SH2B3: variants seen among roughly 807,000 people sequenced by gnomAD.
SH2B3 encodes SH2B adapter protein 3.
SH2B3 carries 43 observed loss-of-function variants against 51.9 expected under a neutral mutation model. The observed-to-expected ratio is 0.83, with a 90% CI of 0.65 to 1.07. The LOEUF is 1.07. SH2B3 is among the 50% of genes least tolerant of loss of function. SH2B3 has a pLI of 0.00. For synonymous variants in SH2B3, 396 were observed against 376.0 expected, an observed-to-expected ratio of 1.05 and a Z score of -0.62; for missense variants, 952 against 834.3, an observed-to-expected ratio of 1.14 and a Z score of -1.74.
intron 2 of SH2B3, among the ~76,000 whole-genome samples, chr12:111,431,740 C>T (rs1872511201): frequency 6.6e-6 from 1 of 152,126 alleles, no homozygotes; most frequent in African/African-American, 2.4e-5. Flanking sequence ...CTGCTATTAG[C>T]ATAGACATTA....
At chr12:111,444,684 A>G (rs1873758389) in intron 2 of SH2B3, 1 of 977,044 alleles carries the variant, frequency 1.0e-6, no homozygotes, top group Non-Finnish European at 1.2e-6. Context: ...CTCCCCTCTC[A>G]CCCATCCCCC....
In SH2B3 at chr12:111,410,370, C is replaced by T. The variant is rs1480797618; in HGVS notation, c.-28+4093C>T. Among the ~76,000 whole-genome samples the T allele has an allele frequency of 6.6e-6, 1 of 152,148 alleles. No individual in the cohort carries two copies. The highest frequency in any genetic ancestry group is 1.5e-5 in the Non-Finnish European group (1 of 67,998). On this transcript the variant is annotated intron_variant, in intron 1 of 7. Coordinates refer to ENST00000341259, the MANE Select transcript of SH2B3 (RefSeq NM_005475.3). The surrounding 1 kb of genome is among the most constrained non-coding windows in gnomAD (Gnocchi z 4.9). ...TCCCTCCTGATGTCCCCAAGTAGCA[C>T]GTGGGGAGGAGGTTCACCCACAGGC...
chr12:111,410,959 A>AG lies in SH2B3; in HGVS notation c.-28+4684dup, dbSNP rs1329513053. Among the ~76,000 whole-genome samples, 2 of 152,180 alleles carry AG rather than the reference A, an allele frequency of 1.3e-5. No homozygotes were observed. The highest frequency in any genetic ancestry group is 1.3e-4 in the Admixed American group (2 of 15,276). ...AGATTCAACCAGGAGGCCTCCCTGGAGGAAGTGTCCCCTCTGAAGGTGTGA... is the reference window on the plus strand; with the variant it reads ...AGATTCAACCAGGAGGCCTCCCTGGAGGGAAGTGTCCCCTCTGAAGGTGTGA... On this transcript the variant is annotated intron_variant, in intron 1 of 7. Transcript: ENST00000341259. The surrounding 1 kb of genome is among the most constrained non-coding windows in gnomAD (Gnocchi z 4.9).
At position 111,418,682 on chromosome 12, in the gene SH2B3, C is replaced by A. The variant is rs1280655588; in HGVS notation, c.537C>A (p.Ala179=). ...AGACCCCCGCCCGGCCTGGCCTGGC[C>A]AAGAAGTTCCTGCCCTGGAGCCTGG... ...AAETPARPGL[A]KKFLPWSLAR... is the part of the protein sequence containing the mutation. The change falls in exon 2 of 8, where the codon GCC becomes GCA. Residue 179 remains alanine (A), a synonymous_variant. Transcript: ENST00000341259. This position sits in a 1 kb window ranked among gnomAD's most constrained non-coding sequence, Gnocchi z 6.7. 6.7e-7 allele frequency: 1 copy of A among 1,490,526 alleles called. No individual in the cohort carries two copies. Among genetic ancestry groups the A allele is most frequent in the East Asian group, 2.9e-5 (1 of 34,966 alleles). 92.3% of individuals were successfully genotyped at this position (1,490,526 alleles called of 1,614,324 possible). A position where few individuals can be genotyped will look rare whatever the true frequency, so the allele number is the denominator to read the frequency against.
At chr12:111,432,969 G>A (rs12301431) in intron 2 of SH2B3, among the ~76,000 whole-genome samples, 2,446 of 152,316 alleles carry the variant, frequency 0.016, 72 homozygotes, top group African/African-American at 0.054. Flanking sequence ...ATGAACATTC[G>A]TGGACAAGTT....
chr12:111,420,466 G>A (rs1871451401), intron 2 of SH2B3, among the ~76,000 whole-genome samples: 2 of 150,956 alleles, frequency 1.3e-5, no homozygotes, highest in Admixed American at 1.3e-4. Context: ...CTACTCACCT[G>A]CCAGGCTCCA....
rs1475449435 is a variant in SH2B3 at position 111,406,461 on chromosome 12, A to C, written c.-28+184A>C. Among the ~76,000 whole-genome samples, 3 of 151,854 alleles carry C rather than the reference A, an allele frequency of 2.0e-5. No individual in the cohort carries two copies. In the East Asian group the frequency reaches 5.8e-4, roughly 30 times the overall value. Reference sequence around the variant, plus strand: ...CGGCTCCCAGCGCCTACGACCCCCCACTCAGCCACTACCCCCACCCACACA... The same window carrying C: ...CGGCTCCCAGCGCCTACGACCCCCCCCTCAGCCACTACCCCCACCCACACA... On this transcript the variant is annotated intron_variant, in intron 1 of 7. Transcript: ENST00000341259. The surrounding 1 kb of genome is among the most constrained non-coding windows in gnomAD (Gnocchi z 5.7).
chr12:111,426,012 C>G (rs909776806), intron 2 of SH2B3, among the ~76,000 whole-genome samples: 8 of 152,214 alleles, frequency 5.3e-5, no homozygotes, highest in Admixed American at 5.2e-4. Flanking sequence ...CGAAAGACCC[C>G]AGGAAATGGT....
rs1871238499 is a variant in SH2B3 at position 111,418,285 on chromosome 12, T to C, written c.140T>C (p.Leu47Pro). The C allele has an allele frequency of 6.5e-7, 1 of 1,538,160 alleles. No individual in the cohort carries two copies. Among genetic ancestry groups the C allele is most frequent in the African/African-American group, 1.4e-5 (1 of 72,286 alleles). Residue 47 changes from leucine to proline, a missense_variant, in exon 2 of 8, where the codon CTG becomes CCG. Physicochemically the swap from Leu to Pro is moderately conservative, Grantham distance 98. Coordinates refer to ENST00000341259, the MANE Select transcript of SH2B3 (RefSeq NM_005475.3). This position sits in a 1 kb window ranked among gnomAD's most constrained non-coding sequence, Gnocchi z 6.7. ...AARELARQYW[L>P]FAREHPQHAP... Reference sequence around the variant, plus strand: ...CGGGAGCTGGCCCGCCAGTACTGGCTGTTCGCCCGGGAGCATCCGCAGCAC... The same window carrying C: ...CGGGAGCTGGCCCGCCAGTACTGGCCGTTCGCCCGGGAGCATCCGCAGCAC...
At position 111,448,391 on chromosome 12, in the gene SH2B3, TC is replaced by T; in HGVS notation, c.*91del. 2.0e-6 allele frequency: 2 copies of T among 1,021,602 alleles called. No individual in the cohort carries two copies. Among genetic ancestry groups the T allele is most frequent in the Non-Finnish European group, 2.9e-6 (2 of 699,294 alleles). The allele number at this position is 1,021,602 out of a possible 1,614,324, so 63.3% of individuals were successfully genotyped here. ...TGAATGTAATTGATCTTTCCTTCCT[TC>T]CAGAGAAAGATTTAAGGGACACTGT... On this transcript the variant is annotated 3_prime_UTR_variant, in exon 8 of 8. Coordinates refer to ENST00000341259, the MANE Select transcript of SH2B3 (RefSeq NM_005475.3).
intron 2 of SH2B3, among the ~76,000 whole-genome samples, chr12:111,421,446 G>A (rs1871555282): frequency 8.9e-6 from 1 of 112,994 alleles, no homozygotes; most frequent in African/African-American, 3.6e-5. Flanking sequence ...GTCTCGCTCT[G>A]TCACCCAGCT....
chr12:111,445,361 C>T (rs573659396), intron 2 of SH2B3, among the ~76,000 whole-genome samples: 49 of 152,296 alleles, frequency 3.2e-4, no homozygotes, highest in African/African-American at 1.2e-3. Context: ...GGCTGGCTGG[C>T]TGTAAAAATG....
At chr12:111,427,237 T>C (rs918292514) in intron 2 of SH2B3, among the ~76,000 whole-genome samples, 1 of 151,478 alleles carries the variant, frequency 6.6e-6, no homozygotes, top group African/African-American at 2.4e-5. Flanking sequence ...AATACAAAAA[T>C]TAGCTGGCCA....
At chr12:111,431,224 C>G (rs928704774) in intron 2 of SH2B3, among the ~76,000 whole-genome samples, 4 of 152,316 alleles carry the variant, frequency 2.6e-5, no homozygotes, top group African/African-American at 9.6e-5. Context: ...GGACCTCCCT[C>G]GCTGTGGCTG....
chr12:111,426,440 G>A, intron 2 of SH2B3, among the ~76,000 whole-genome samples: 1 of 145,878 alleles, frequency 6.9e-6, no homozygotes, highest in East Asian at 2.0e-4. Context: ...TGCCCAGGCT[G>A]GCCTCAAACT....
rs188264125 is a variant in SH2B3 at position 111,439,123 on chromosome 12, C to A, written c.733-7630C>A. ...AAGTAGCTGGGACTACAGGTACCTG[C>A]CACCATGCCCGACTAATTTTTGTAT... On this transcript the variant is annotated intron_variant, in intron 2 of 7. Transcript: ENST00000341259. Among the ~76,000 whole-genome samples the A allele has an allele frequency of 2.9e-3, 439 of 152,100 alleles. 2 individuals are homozygous for A. Among genetic ancestry groups the A allele is most frequent in the African/African-American group, 8.7e-3 (362 of 41,462 alleles).
At chr12:111,443,244 C>T (rs1249295734) in intron 2 of SH2B3, among the ~76,000 whole-genome samples, 1 of 152,186 alleles carries the variant, frequency 6.6e-6, no homozygotes, top group South Asian at 2.1e-4. Context: ...CGTGACCCCA[C>T]GAGGCTGGTG....
intron 1 of SH2B3, among the ~76,000 whole-genome samples, chr12:111,417,262 G>A (rs965743961): frequency 6.6e-6 from 1 of 152,140 alleles, no homozygotes; most frequent in Admixed American, 6.5e-5. Context: ...ATATGTAGCA[G>A]GGAGCAAGTA....
chr12:111,409,682 G>C lies in SH2B3; in HGVS notation c.-28+3405G>C. On this transcript the variant is annotated intron_variant, in intron 1 of 7. Coordinates refer to ENST00000341259, the MANE Select transcript of SH2B3 (RefSeq NM_005475.3). This position sits in a 1 kb window ranked among gnomAD's most constrained non-coding sequence, Gnocchi z 4.0. The stretch of plus-strand genomic sequence containing the variant: ...CTGCACCCCACCTCCCCAGCTTCCC[G>C]GGGCTTGAGATCCCTTGGAGACTGA... Among the ~76,000 whole-genome samples, 1 of 152,284 alleles carries C rather than the reference G, an allele frequency of 6.6e-6. No individual in the cohort carries two copies. Among genetic ancestry groups the C allele is most frequent in the South Asian group, 2.1e-4 (1 of 4,824 alleles).
Sources: gnomAD v4.1 joint callset for allele counts (sites outside exome capture counted in the v4.1 genomes callset) on GRCh38, gnomAD v4.1.1 for gene constraint, Gnocchi (gnomAD v3.1) non-coding constraint, MANE v1.5 for transcripts, NCBI Gene and HGNC (gene_info 2026-07-23, HGNC 2026-07-21) for gene names.